MYL5: variants seen among roughly 807,000 people sequenced by gnomAD.
The protein encoded by MYL5 is myosin light chain 5, also known as myosin regulatory light chain 5.
In MYL5, 28 loss-of-function variants were observed where a neutral mutation model predicts 20.8. That is an observed-to-expected ratio of 1.35 (90% CI 1.00 to 1.84). The LOEUF is 1.84. MYL5 is among the 40% of genes most tolerant of loss of function. The probability of loss-of-function intolerance (pLI) is 0.00; values close to 1 mark genes in which losing one functional copy is unlikely to be tolerated. For missense variants in MYL5, 274 were observed against 227.3 expected (o/e 1.21, Z -1.32); for synonymous variants, 118 against 87.4 (o/e 1.35, Z -1.95).
chr4:678,518 G>A (rs903466349), intron 1 of MYL5, 140 bp from the exon 4 acceptor site: 15 of 1,448,466 alleles, frequency 1.0e-5, no homozygotes, highest in South Asian at 1.0e-4. Flanking sequence ...AGGCTGGCAT[G>A]CTCCTCAGCT....
intron 5 of MYL5, 63 bp from the exon 8 acceptor site, chr4:681,029 C>A: frequency 6.5e-7 from 1 of 1,541,696 alleles, no homozygotes; most frequent in Non-Finnish European, 8.8e-7. Context: ...AGCACCTGAG[C>A]CCCACCGAGA....
chr4:675,768 C>G (rs1043290526), upstream of MYL5: 1 of 152,278 alleles, frequency 6.6e-6, no homozygotes, highest in Non-Finnish European at 1.5e-5. Flanking sequence ...CGAGCTCCAC[C>G]CACTTTCAGA....
chr4:674,554 G>A, upstream of MYL5: 4 of 473,966 alleles, frequency 8.4e-6, no homozygotes, highest in Non-Finnish European at 1.5e-5. Flanking sequence ...TTCCCCGCAG[G>A]GCTGGGGGTC....
At chr4:681,930 C>G (rs552967269) in exon 7 of MYL5, 1 of 1,325,934 alleles carries the variant, frequency 7.5e-7, no homozygotes. Context: ...ATCGATGTGG[C>G]GGGCAACCTG....
rs953792878 is a variant in MYL5, at chr4:679,772, C to G, written c.188-142C>G. 6 of 667,604 alleles carry G rather than the reference C, an allele frequency of 9.0e-6. No homozygotes were observed. The African/African-American group carries it at 9.1e-5, about 10-fold the overall frequency. The allele number at this position is 667,604 out of a possible 1,614,324, so 41.4% of individuals were successfully genotyped here. A position where few individuals can be genotyped will look rare whatever the true frequency, so the allele number is the denominator to read the frequency against. ...CAGCCAGCCAGATGCACCCACTGCC[C>G]CACGTGCCTGGGCCAAGCGTCTCCT... On this transcript the variant is annotated intron_variant, in intron 3 of 6. Transcript: ENST00000400159.
chr4:678,694 C>T (rs1449694123), exon 2 of MYL5: 4 of 1,611,554 alleles, frequency 2.5e-6, no homozygotes, highest in Non-Finnish European at 3.4e-6. Flanking sequence ...AGGGGGTGCC[C>T]TCCGGGCCCA....
chr4:674,730 G>A (rs1577322959), upstream of MYL5: 1 of 183,274 alleles, frequency 5.5e-6, no homozygotes, highest in African/African-American at 2.4e-5. Flanking sequence ...GCGCCCACCC[G>A]AGGGTGGCCT....
chr4:675,305 C>T (rs1234895140), upstream of MYL5: 1 of 152,498 alleles, frequency 6.6e-6, no homozygotes, highest in East Asian at 1.9e-4. Flanking sequence ...CTGGGTCTTC[C>T]TGGCGGCAGC....
exon 7 of MYL5, chr4:681,974 G>T (rs1485193303): frequency 3.6e-6 from 5 of 1,396,612 alleles, no homozygotes; most frequent in African/African-American, 1.5e-5. Flanking sequence ...GATCACCCAC[G>T]GGGAGGAGAA....
At position 680,595 on chromosome 4, in the gene MYL5, C is replaced by T. The variant is rs1739367578; in HGVS notation, c.371+8C>T. The T allele has an allele frequency of 6.2e-7, 1 of 1,611,846 alleles. No individual in the cohort carries two copies. Reference sequence around the variant, plus strand: ...GAAAATCAACAAGGAGTAGTGAGTGCCCGGGCGGCCAGGGCGGCCCGGCTT... The same window carrying T: ...GAAAATCAACAAGGAGTAGTGAGTGTCCGGGCGGCCAGGGCGGCCCGGCTT... On this transcript the variant is annotated splice_region_variant and intron_variant, in intron 5 of 6. Transcript: ENST00000400159.
upstream of MYL5, chr4:674,887 C>T (rs961852488): frequency 6.5e-6 from 1 of 152,992 alleles, no homozygotes; most frequent in Non-Finnish European, 1.5e-5. Context: ...GCCTCCAGGC[C>T]CCTCTTCCTG....
chr4:681,176 G>A (rs1326499191), intron 6 of MYL5, 36 bp downstream of exon 8: 2 of 1,588,660 alleles, frequency 1.3e-6, no homozygotes, highest in South Asian at 1.1e-5. Flanking sequence ...GCCCACGAGG[G>A]GAGGGCGGGG....
chr4:679,000 A>G (rs1420226273), exon 3 of MYL5: 5 of 1,613,664 alleles, frequency 3.1e-6, no homozygotes, highest in African/African-American at 2.7e-5. Flanking sequence ...CTTCATTGAC[A>G]AGGAGGACCT....
chr4:681,617 GCCGCCCCGCCCCCTC>G (rs1739577060), intron 6 of MYL5, among the ~76,000 whole-genome samples: 5 of 57,036 alleles, frequency 8.8e-5, no homozygotes, highest in African/African-American at 2.8e-4. Context: ...CCCCTCCAGC[GCCGCCCCGCCCCCTC>G]CAGCGCCGCC....
intron 6 of MYL5, 139 bp downstream of exon 8, chr4:681,279 C>G (rs1577339167): frequency 1.0e-6 from 1 of 987,138 alleles, no homozygotes; most frequent in African/African-American, 1.6e-5. Context: ...GGGGGGCTCC[C>G]GAAGTGCCCG....
chr4:678,469 T>A, intron 1 of MYL5, 189 bp from the exon 4 acceptor site: 2 of 1,432,360 alleles, frequency 1.4e-6, no homozygotes. Flanking sequence ...GCCAGACACC[T>A]GCAGCCGTCC....
chr4:678,251 ACGTTG>A (rs2109330734), intron 1 of MYL5: 1 of 1,473,932 alleles, frequency 6.8e-7, no homozygotes, highest in Non-Finnish European at 9.0e-7. Flanking sequence ...TACGTGCCTC[ACGTTG>A]CTCTCCTGGT....
intron 3 of MYL5, among the ~76,000 whole-genome samples, chr4:679,557 G>A (rs1021215879): frequency 6.6e-6 from 1 of 152,186 alleles, no homozygotes; most frequent in Non-Finnish European, 1.5e-5. Context: ...AGGGGGCTTC[G>A]GTCCTGCCCT....
At chr4:679,405 G>C (rs1381015513) in intron 3 of MYL5, among the ~76,000 whole-genome samples, 1 of 152,152 alleles carries the variant, frequency 6.6e-6, no homozygotes, top group Non-Finnish European at 1.5e-5. Context: ...CCAGACCACA[G>C]AGCTGACAGA....
Sources: allele counts gnomAD v4.1 joint callset (sites outside exome capture counted in the v4.1 genomes callset), GRCh38; gene constraint gnomAD v4.1.1; transcripts MANE v1.5; gene names NCBI Gene and HGNC (gene_info 2026-07-23, HGNC 2026-07-21).